Variants in EYA4 observed in about 807,000 individuals in gnomAD.
EYA4 encodes protein phosphatase EYA4.
Under a neutral mutation model 87.9 loss-of-function variants are expected in EYA4, and 31 were observed. The observed-to-expected ratio is 0.35, with a 90% CI of 0.27 to 0.48. The LOEUF is 0.48. Among genes scored for constraint, EYA4 ranks in the 20% least tolerant of loss-of-function variants. EYA4 has a pLI of 0.99. For missense variants in EYA4, 678 were observed against 761.4 expected, an observed-to-expected ratio of 0.89 and a Z score of 1.29; for synonymous variants, 263 against 270.6, an observed-to-expected ratio of 0.97 and a Z score of 0.28.
intron 18 of EYA4, among the ~76,000 whole-genome samples, chr6:133,524,851 G>T (rs529381570): frequency 4.6e-5 from 7 of 152,258 alleles, no homozygotes; most frequent in Non-Finnish European, 7.4e-5. Flanking sequence ...TTAATCATCT[G>T]TCCGAAGTAA....
chr6:133,362,276 T>TG (rs1417516119), intron 2 of EYA4, among the ~76,000 whole-genome samples: 1 of 152,168 alleles, frequency 6.6e-6, no homozygotes, highest in East Asian at 1.9e-4. Flanking sequence ...TTGGTTACCT[T>TG]GGGGGAGATT....
At chr6:133,320,082 T>C (rs561410261) in intron 2 of EYA4, among the ~76,000 whole-genome samples, 110 of 152,240 alleles carry the variant, frequency 7.2e-4, no homozygotes, top group African/African-American at 2.6e-3. Flanking sequence ...TTTACATTTA[T>C]TGTATTTGTG....
At chr6:133,257,897 G>C (rs1184887930) in intron 1 of EYA4, among the ~76,000 whole-genome samples, 1 of 151,406 alleles carries the variant, frequency 6.6e-6, no homozygotes, top group Non-Finnish European at 1.5e-5. Flanking sequence ...GACTATTTAT[G>C]CACTCATTCA....
At chr6:133,271,931 G>T (rs1776724506) in intron 1 of EYA4, among the ~76,000 whole-genome samples, 1 of 152,186 alleles carries the variant, frequency 6.6e-6, no homozygotes, top group South Asian at 2.1e-4. Flanking sequence ...ACTCAGAGAG[G>T]TCTATTCACA....
At position 133,529,238 on chromosome 6, in the gene EYA4, G is replaced by A; in HGVS notation, c.*433G>A. On this transcript the variant is annotated 3_prime_UTR_variant, in exon 20 of 20. Transcript: ENST00000355286. The stretch of plus-strand genomic sequence containing the variant: ...CTACCTAACCCAGAAAATCTGAATT[G>A]GAATGCACTCAGACTGTATAAGGAC... 8.9e-7 allele frequency: 1 copy of A among 1,128,294 alleles called. No homozygotes were observed. The highest frequency in any genetic ancestry group is 4.1e-4 in the Middle Eastern group (1 of 2,454). The allele number at this position is 1,128,294 out of a possible 1,614,324, so 69.9% of individuals were successfully genotyped here.
At chr6:133,307,118 C>G (rs1779867827) in intron 2 of EYA4, among the ~76,000 whole-genome samples, 1 of 152,188 alleles carries the variant, frequency 6.6e-6, no homozygotes, top group Admixed American at 6.5e-5. Flanking sequence ...GGATCCAGCA[C>G]ATGATGAATG....
At chr6:133,339,787 A>G (rs1782647356) in intron 2 of EYA4, among the ~76,000 whole-genome samples, 1 of 152,198 alleles carries the variant, frequency 6.6e-6, no homozygotes, top group Non-Finnish European at 1.5e-5. Context: ...GATTAATAAC[A>G]AGTTAGGACA....
At chr6:133,461,039 A>G in intron 6 of EYA4, 75 bp from the exon 7 acceptor site, 1 of 971,728 alleles carries the variant, frequency 1.0e-6, no homozygotes, top group East Asian at 2.4e-5. Context: ...AATTTCTTCA[A>G]ATTGGTTATG....
intron 2 of EYA4, among the ~76,000 whole-genome samples, chr6:133,355,368 A>G (rs915147224): frequency 6.6e-6 from 1 of 152,218 alleles, no homozygotes; most frequent in African/African-American, 2.4e-5. Flanking sequence ...TCTGTTATAA[A>G]AACACATGAA....
chr6:133,374,848 C>G (rs988043937), intron 2 of EYA4, among the ~76,000 whole-genome samples: 4 of 151,852 alleles, frequency 2.6e-5, no homozygotes, highest in Non-Finnish European at 5.9e-5. Context: ...CTAAGGAAAA[C>G]AAAGACACTT....
intron 6 of EYA4, among the ~76,000 whole-genome samples, chr6:133,459,291 A>G (rs1347588312): frequency 1.3e-5 from 2 of 152,156 alleles, no homozygotes; most frequent in Non-Finnish European, 2.9e-5. Context: ...TTGTGAGTAC[A>G]TTATTCTAAT....
intron 18 of EYA4, 53 bp downstream of exon 18, chr6:133,523,230 C>G: frequency 6.3e-7 from 1 of 1,582,690 alleles, no homozygotes; most frequent in Non-Finnish European, 8.7e-7. Context: ...CTGTGTGTCT[C>G]TGCCTAGTTC....
rs768216133 is a variant in EYA4, at chr6:133,462,407, G to T, written c.510G>T (p.Ser170=). 6 of 1,613,864 alleles carry T rather than the reference G, an allele frequency of 3.7e-6. No individual in the cohort carries two copies. The highest frequency in any genetic ancestry group is 2.7e-5 in the African/African-American group (2 of 74,956). ...MSAYAGQTQY[S]GMQQPAVYTA... is the part of the protein sequence containing the mutation. ...CCTATGCAGGCCAGACTCAGTATTCGGGGATGCAGCAGCCAGCCGTCTACA... is the reference window on the plus strand; with the variant it reads ...CCTATGCAGGCCAGACTCAGTATTCTGGGATGCAGCAGCCAGCCGTCTACA... The change falls in exon 8 of 20, where the codon TCG becomes TCT. Residue 170 remains serine, a synonymous_variant. Coordinates refer to ENST00000355286, the MANE Select transcript of EYA4 (RefSeq NM_004100.5).
chr6:133,403,865 C>T (rs1265817339), intron 3 of EYA4, among the ~76,000 whole-genome samples: 1 of 152,046 alleles, frequency 6.6e-6, no homozygotes, highest in Admixed American at 6.5e-5. Flanking sequence ...GGCTGGAGTG[C>T]AATGGCATGA....
chr6:133,326,961 C>T (rs992480458), intron 2 of EYA4, among the ~76,000 whole-genome samples: 1 of 152,140 alleles, frequency 6.6e-6, no homozygotes, highest in Non-Finnish European at 1.5e-5. Context: ...CTTGACCTCT[C>T]GCTGACCCTT....
chr6:133,341,754 A>G (rs9493598), intron 2 of EYA4, among the ~76,000 whole-genome samples: 4,056 of 152,210 alleles, frequency 0.027, 164 homozygotes, highest in African/African-American at 0.089. Context: ...CTCACCAACT[A>G]TGGAGCTAAT....
intron 2 of EYA4, among the ~76,000 whole-genome samples, chr6:133,352,230 T>TATACAATGTGATTCATATCAC (rs1486183647): frequency 1.3e-5 from 2 of 152,226 alleles, no homozygotes; most frequent in African/African-American, 2.4e-5. Flanking sequence ...TCATCTTGTG[T>TATACAATGTGATTCATATCAC]ATACAATGTG....
intron 2 of EYA4, among the ~76,000 whole-genome samples, chr6:133,361,587 C>T (rs980302935): frequency 2.4e-4 from 37 of 152,100 alleles, no homozygotes; most frequent in Non-Finnish European, 3.1e-4. Flanking sequence ...AAACTCAAAC[C>T]GTTCGTAGTT....
At chr6:133,347,663 A>C (rs1425673422) in intron 2 of EYA4, among the ~76,000 whole-genome samples, 1 of 152,124 alleles carries the variant, frequency 6.6e-6, no homozygotes, top group Non-Finnish European at 1.5e-5. Context: ...GGATTATTTT[A>C]TTTACTCACT....
Sources: gnomAD v4.1 joint callset for allele counts (sites outside exome capture counted in the v4.1 genomes callset) on GRCh38, gnomAD v4.1.1 for gene constraint, MANE v1.5 for transcripts, NCBI Gene and HGNC (gene_info 2026-07-23, HGNC 2026-07-21) for gene names.